Variants in FAM151B observed in about 807,000 individuals in gnomAD.
The protein encoded by FAM151B is family with sequence similarity 151 member B, also known as protein FAM151B.
In FAM151B, 24 loss-of-function variants were observed where a neutral mutation model predicts 31.2. That is an observed-to-expected ratio of 0.77 (90% CI 0.56 to 1.08). The LOEUF is 1.08. Among genes scored for constraint, FAM151B ranks in the 50% least tolerant of loss-of-function variants. The pLI is 0.00. For synonymous variants in FAM151B, 105 were observed against 111.4 expected (o/e 0.94, Z 0.36); for missense variants, 293 against 328.6 (o/e 0.89, Z 0.84).
chr5:80,505,263 A>C (rs1683232401), intron 2 of FAM151B, among the ~76,000 whole-genome samples: 2 of 151,370 alleles, frequency 1.3e-5, no homozygotes, highest in South Asian at 4.2e-4. Flanking sequence ...AGCCTCCCAA[A>C]GTGCTGGGAT....
chr5:80,490,960 C>T (rs554984669), intron 1 of FAM151B, among the ~76,000 whole-genome samples: 1 of 152,238 alleles, frequency 6.6e-6, no homozygotes, highest in South Asian at 2.1e-4. Flanking sequence ...CTGGAAGGAA[C>T]CTTAATGATT....
intron 5 of FAM151B, among the ~76,000 whole-genome samples, chr5:80,538,426 T>TTC (rs1306290616): frequency 1.4e-3 from 80 of 56,534 alleles, no homozygotes; most frequent in Middle Eastern, 8.5e-3. Context: ...CTTTCTTTCT[T>TTC]TCTTTCTTTC....
intron 5 of FAM151B, among the ~76,000 whole-genome samples, chr5:80,523,650 A>G (rs1744819373): frequency 1.3e-5 from 2 of 152,200 alleles, no homozygotes; most frequent in Admixed American, 1.3e-4. Flanking sequence ...TAGATAATGC[A>G]GGAGACCCTA....
At chr5:80,494,476 C>CTTTCTTTCT (rs1561359250) in intron 1 of FAM151B, among the ~76,000 whole-genome samples, 8 of 126,558 alleles carry the variant, frequency 6.3e-5, no homozygotes, top group African/African-American at 2.4e-4. Flanking sequence ...TTCTTTCTTT[C>CTTTCTTTCT]TTTCTTTCTT....
At chr5:80,529,245 G>A (rs1185903372) in intron 5 of FAM151B, among the ~76,000 whole-genome samples, 8 of 152,196 alleles carry the variant, frequency 5.3e-5, no homozygotes, top group Admixed American at 3.3e-4. Flanking sequence ...GCAGTGTGTA[G>A]AGGGAAATTT....
intron 4 of FAM151B, 129 bp downstream of exon 4, chr5:80,520,039 C>A (rs1744633736): frequency 2.5e-6 from 2 of 801,378 alleles, no homozygotes; most frequent in African/African-American, 1.7e-5. Context: ...AGGCCTGACC[C>A]TTCAGGTATG....
chr5:80,530,842 C>T (rs1435748048), intron 5 of FAM151B, among the ~76,000 whole-genome samples: 1 of 152,206 alleles, frequency 6.6e-6, no homozygotes, highest in Admixed American at 6.5e-5. Flanking sequence ...ATGCCATCAC[C>T]ATCAAGCTAC....
At chr5:80,499,625 G>A (rs1343779076) in intron 1 of FAM151B, among the ~76,000 whole-genome samples, 2 of 151,828 alleles carry the variant, frequency 1.3e-5, no homozygotes, top group Non-Finnish European at 2.9e-5. Flanking sequence ...GAAATTTCCA[G>A]CTTTTAAATA....
At chr5:80,489,346 T>C (rs1468142613) in intron 1 of FAM151B, among the ~76,000 whole-genome samples, 1 of 152,156 alleles carries the variant, frequency 6.6e-6, no homozygotes, top group African/African-American at 2.4e-5. Flanking sequence ...CTCTCTCTCT[T>C]TTTTAAGATC....
At chr5:80,534,630 A>G (rs757718364) in intron 5 of FAM151B, among the ~76,000 whole-genome samples, 6 of 152,202 alleles carry the variant, frequency 3.9e-5, no homozygotes, top group Non-Finnish European at 7.3e-5. Context: ...AGCTATATAC[A>G]ACAGACCCAC....
At chr5:80,529,627 A>G (rs1328761277) in intron 5 of FAM151B, among the ~76,000 whole-genome samples, 1 of 152,238 alleles carries the variant, frequency 6.6e-6, no homozygotes. Context: ...CAAATAAACG[A>G]GAAAATCTAG....
chr5:80,489,735 T>G (rs1294907705), intron 1 of FAM151B, among the ~76,000 whole-genome samples: 1 of 152,280 alleles, frequency 6.6e-6, no homozygotes, highest in African/African-American at 2.4e-5. Context: ...CCATCCTGGC[T>G]AACACAGTGA....
At chr5:80,536,395 C>G (rs528573252) in intron 5 of FAM151B, among the ~76,000 whole-genome samples, 1 of 152,016 alleles carries the variant, frequency 6.6e-6, no homozygotes, top group South Asian at 2.1e-4. Flanking sequence ...AGGCTGGTCT[C>G]AAACTCCTGA....
Position 80,489,864 on chromosome 5 carries a change from C to G in FAM151B, c.25+1716C>G, listed in dbSNP as rs547987973. ...GCGTGAACCCGGGAGGCGGAGCTTG[C>G]GGTGAGCCAAGATTGCGCCACTGCA... On this transcript the variant is annotated intron_variant, in intron 1 of 5. Transcript: ENST00000282226. Among the ~76,000 whole-genome samples, 9 of 151,824 alleles carry G rather than the reference C, an allele frequency of 5.9e-5. No homozygotes were observed. The East Asian group carries it at 1.6e-3, about 26-fold the overall frequency.
chr5:80,520,317 A>G (rs1744643374), intron 4 of FAM151B, among the ~76,000 whole-genome samples: 1 of 152,062 alleles, frequency 6.6e-6, no homozygotes, highest in Non-Finnish European at 1.5e-5. Flanking sequence ...ATTTTTTACA[A>G]CTTGCTTTTG....
At chr5:80,528,597 C>A (rs1226011450) in intron 5 of FAM151B, among the ~76,000 whole-genome samples, 1 of 151,720 alleles carries the variant, frequency 6.6e-6, no homozygotes, top group Non-Finnish European at 1.5e-5. Context: ...GATTTCAACA[C>A]ACAAAAAAAA....
chr5:80,541,742 C>A lies in FAM151B; in HGVS notation c.741C>A (p.Asp247Glu). 1.2e-6 allele frequency: 2 copies of A among 1,613,454 alleles called. No homozygotes were observed. Among genetic ancestry groups the A allele is most frequent in the Non-Finnish European group, 1.7e-6 (2 of 1,179,660 alleles). ...TTGAAGATTTACTTTACATTAGAGA[C>A]CATTTTGACAAAAAACAAGTTTTCT... The part of the protein sequence containing the change: ...YSVEDLLYIR[D>E]HFDKKQVFYD... Residue 247 changes from aspartate (D) to glutamate (E), a missense_variant, in exon 6 of 6, where the codon GAC becomes GAA. Physicochemically the swap from Asp to Glu is conservative, Grantham distance 45 (BLOSUM62 2). Coordinates refer to ENST00000282226, the MANE Select transcript of FAM151B (RefSeq NM_205548.3).
intron 2 of FAM151B, among the ~76,000 whole-genome samples, chr5:80,504,513 T>C (rs1743874136): frequency 8.1e-6 from 1 of 123,528 alleles, no homozygotes; most frequent in Admixed American, 1.1e-4. Context: ...CGACTATTAC[T>C]CTTTTTTTTT....
rs185665817 is a variant in FAM151B at position 80,536,542 on chromosome 5, C to T, written c.672-5131C>T. On this transcript the variant is annotated intron_variant, in intron 5 of 5. Coordinates refer to ENST00000282226, the MANE Select transcript of FAM151B (RefSeq NM_205548.3). ...CATATGATCCAGCAATCCCACTGCTCGGTATGTAAACAAAAGAAAGGAAAT... is the reference window on the plus strand; with the variant it reads ...CATATGATCCAGCAATCCCACTGCTTGGTATGTAAACAAAAGAAAGGAAAT... Among the ~76,000 whole-genome samples, 286 of 152,110 alleles carry T rather than the reference C, an allele frequency of 1.9e-3. 2 individuals are homozygous for T. Among genetic ancestry groups the T allele is most frequent in the African/African-American group, 6.3e-3 (262 of 41,496 alleles).
Sources: allele counts gnomAD v4.1 joint callset (sites outside exome capture counted in the v4.1 genomes callset), GRCh38; gene constraint gnomAD v4.1.1; transcripts MANE v1.5; gene names NCBI Gene and HGNC (gene_info 2026-07-23, HGNC 2026-07-21).